NIN: variants seen among roughly 807,000 people sequenced by gnomAD.
The protein encoded by NIN is glycogen synthase kinase 3 beta-interacting protein.
In NIN, 137 loss-of-function variants were observed where a neutral mutation model predicts 257.6. The ratio of observed to expected loss-of-function variants is 0.53; its 90% CI spans 0.46 to 0.61. The LOEUF (loss-of-function observed/expected upper bound fraction) is 0.61. NIN is among the 20% of genes least tolerant of loss of function. The probability of loss-of-function intolerance (pLI) is 0.00; values close to 1 mark genes in which losing one functional copy is unlikely to be tolerated. For synonymous variants in NIN, 918 were observed against 919.8 expected, an observed-to-expected ratio of 1.00 and a Z score of 0.04; for missense variants, 2,439 against 2,501.2, an observed-to-expected ratio of 0.98 and a Z score of 0.53.
At chr14:50,819,483 G>C (rs1344699470) in intron 3 of NIN, among the ~76,000 whole-genome samples, 1 of 152,166 alleles carries the variant, frequency 6.6e-6, no homozygotes, top group African/African-American at 2.4e-5. Context: ...CTTTCATTCT[G>C]TCTTGCCTGC....
Position 50,761,755 on chromosome 14 carries a change from G to C in NIN, c.1896+35C>G, listed in dbSNP as rs193302798. ...ACACATAAGCCTGTCAGAGCCAAAA[G>C]AAATTAGAGAAGTGGATTGGTGGGA... On this transcript the variant is annotated intron_variant, in intron 16 of 30. Coordinates refer to ENST00000530997, the MANE Select transcript of NIN (RefSeq NM_020921.4). The C allele has an allele frequency of 2.2e-3, 3,531 of 1,613,372 alleles. 11 individuals are homozygous for C. The highest frequency in any genetic ancestry group is 2.4e-3 in the Non-Finnish European group (2,849 of 1,179,540).
rs374373270 is a variant in NIN, at chr14:50,792,798, C to G, written c.349G>C (p.Val117Leu). Residue 117 changes from valine to leucine, a missense_variant, in exon 5 of 31, where the codon GTG becomes CTG. Around this residue, in one of 3 missense-constraint regions of NIN, gnomAD observed 387 missense variants for 427.3 expected, o/e 0.91. Transcript: ENST00000530997. ...ACCGTCACTTCAGGAAACTCCTCCA[C>G]GGACTCTTGGAACTCGGGCAAGGAC... ...RRSLPEFQESVEEFPEVTVIE... is the reference protein window; with the variant it reads ...RRSLPEFQESLEEFPEVTVIE... 6.2e-7 allele frequency: 1 copy of G among 1,614,202 alleles called. No individual in the cohort carries two copies. Among genetic ancestry groups the G allele is most frequent in the African/African-American group, 1.3e-5 (1 of 75,058 alleles).
At chr14:50,817,714 C>T (rs1162322314) in intron 3 of NIN, among the ~76,000 whole-genome samples, 2 of 152,054 alleles carry the variant, frequency 1.3e-5, no homozygotes, top group Admixed American at 1.3e-4. Context: ...TCAAAGTTGG[C>T]ATACTACGTA....
chr14:50,767,766 G>A lies in NIN; in HGVS notation c.1435-876C>T, dbSNP rs568951015. ...CGGGAGGTGGAGCTTGCAGTGAGCC[G>A]AGATGGCGCCACTGCACTCCAGCCT... On this transcript the variant is annotated intron_variant, in intron 12 of 30. Coordinates refer to ENST00000530997, the MANE Select transcript of NIN (RefSeq NM_020921.4). Among the ~76,000 whole-genome samples, 157 of 149,574 alleles carry A rather than the reference G, an allele frequency of 1.0e-3. 1 individual carries two copies. The highest frequency in any genetic ancestry group is 3.0e-3 in the Admixed American group (45 of 15,046).
In NIN at chr14:50,782,323, T is replaced by G. The variant is rs1270932803; in HGVS notation, c.436-3519A>C. 2.0e-5 allele frequency among the ~76,000 whole-genome samples: 3 copies of G among 152,326 alleles called. No homozygotes were observed. In the East Asian group the frequency reaches 5.8e-4, roughly 29 times the overall value. On this transcript the variant is annotated intron_variant, in intron 5 of 30. Coordinates refer to ENST00000530997, the MANE Select transcript of NIN (RefSeq NM_020921.4). ...ATCAAGGAGGAAGAAAAGCCATATG[T>G]GTAAATATGTACATGATAGCACTTT...
At chr14:50,787,658 A>G (rs2043403147) in intron 5 of NIN, among the ~76,000 whole-genome samples, 1 of 152,232 alleles carries the variant, frequency 6.6e-6, no homozygotes, top group Non-Finnish European at 1.5e-5. Flanking sequence ...ATCACCCAAG[A>G]TGAGAGGTCA....
At chr14:50,750,375 A>G (rs1295712754) in intron 21 of NIN, among the ~76,000 whole-genome samples, 2 of 152,214 alleles carry the variant, frequency 1.3e-5, no homozygotes. Context: ...GTAACATCAG[A>G]GGGCTCATCT....
At chr14:50,723,871 A>G (rs2040320635) in intron 30 of NIN, 199 bp from the exon 31 acceptor site, 1 of 556,736 alleles carries the variant, frequency 1.8e-6, no homozygotes. Context: ...TTTCTAAGCT[A>G]TTTCTTTGCA....
In NIN at chr14:50,770,517, A is replaced by C. The variant is rs1223833741; in HGVS notation, c.1305T>G (p.Asn435Lys). ...TCTGCTCTCTCTCTTTTCGGAGTTC[A>C]TTTTTTAAGGCTGCTATTCGCTCCT... ...EYKERIAALK[N>K]ELRKEREQIL... Residue 435 changes from asparagine (N) to lysine (K), a missense_variant, in exon 12 of 31, where the codon AAT becomes AAG. Asn to Lys is a moderately conservative substitution (Grantham distance 94). Coordinates refer to ENST00000530997, the MANE Select transcript of NIN (RefSeq NM_020921.4). 2 of 1,614,006 alleles carry C rather than the reference A, an allele frequency of 1.2e-6. No individual in the cohort carries two copies. Among genetic ancestry groups the C allele is most frequent in the Non-Finnish European group, 1.7e-6 (2 of 1,180,034 alleles).
At chr14:50,733,858 A>C (rs541810679) in intron 28 of NIN, among the ~76,000 whole-genome samples, 1 of 152,342 alleles carries the variant, frequency 6.6e-6, no homozygotes, top group African/African-American at 2.4e-5. Context: ...AAAAGAAAAA[A>C]TGGTTTAGAC....
At chr14:50,803,075 C>T (rs1319557942) in intron 4 of NIN, among the ~76,000 whole-genome samples, 2 of 152,030 alleles carry the variant, frequency 1.3e-5, no homozygotes, top group Non-Finnish European at 2.9e-5. Context: ...CAGACCTCGC[C>T]GGGCGCAGTG....
At chr14:50,746,111 C>T (rs572158726) in intron 22 of NIN, among the ~76,000 whole-genome samples, 123 of 151,900 alleles carry the variant, frequency 8.1e-4, no homozygotes, top group African/African-American at 2.7e-3. Flanking sequence ...AGCTCTGCTC[C>T]TTTCCTTCTG....
chr14:50,767,676 G>T (rs995431345), intron 12 of NIN, among the ~76,000 whole-genome samples: 6 of 152,050 alleles, frequency 3.9e-5, no homozygotes, highest in Non-Finnish European at 8.8e-5. Flanking sequence ...AATTAGCCAG[G>T]TGTGGTGGCG....
At chr14:50,755,662 TTTTTTTTTTTTTTTTTA>T (rs1294472486) in intron 18 of NIN, among the ~76,000 whole-genome samples, 3 of 51,680 alleles carry the variant, frequency 5.8e-5, no homozygotes, top group Admixed American at 2.8e-4. Context: ...TTTTTTTTTT[TTTTTTTTTTTTTTTTTA>T]AAAGAGACAG....
At chr14:50,724,140 G>A (rs1179652432) in intron 30 of NIN, 1 of 191,214 alleles carries the variant, frequency 5.2e-6, no homozygotes, top group Non-Finnish European at 1.1e-5. Context: ...GATAAGATTT[G>A]GGCAGTTACT....
chr14:50,789,836 C>A (rs2043508037), intron 5 of NIN, among the ~76,000 whole-genome samples: 1 of 152,174 alleles, frequency 6.6e-6, no homozygotes, highest in Non-Finnish European at 1.5e-5. Context: ...GAATGGCCCT[C>A]AACTGCTAAG....
intron 4 of NIN, among the ~76,000 whole-genome samples, chr14:50,801,322 C>T (rs1595896488): frequency 6.6e-6 from 1 of 152,150 alleles, no homozygotes; most frequent in African/African-American, 2.4e-5. Context: ...AACTCCTGAC[C>T]GCAGGTGATC....
At chr14:50,826,492 C>T (rs577148837) in intron 2 of NIN, among the ~76,000 whole-genome samples, 2 of 152,250 alleles carry the variant, frequency 1.3e-5, no homozygotes, top group East Asian at 3.9e-4. Flanking sequence ...AAAATGCTGC[C>T]GACTCTGACA....
At chr14:50,778,564 A>G (rs2043007717) in intron 6 of NIN, among the ~76,000 whole-genome samples, 1 of 152,224 alleles carries the variant, frequency 6.6e-6, no homozygotes, top group Admixed American at 6.5e-5. Flanking sequence ...AAAATTATAT[A>G]TCTTAGTTAC....
Sources: gnomAD v4.1 joint callset for allele counts (sites outside exome capture counted in the v4.1 genomes callset) on GRCh38, gnomAD v4.1.1 for gene constraint, gnomAD v4.1.1 regional missense constraint, MANE v1.5 for transcripts, NCBI Gene and HGNC (gene_info 2026-07-23, HGNC 2026-07-21) for gene names.